Variants in MCM4 observed in about 807,000 individuals in gnomAD.
MCM4 encodes DNA replication licensing factor MCM4.
Under a neutral mutation model 88.7 loss-of-function variants are expected in MCM4, and 60 were observed. The ratio of observed to expected loss-of-function variants is 0.68; its 90% CI spans 0.55 to 0.84. The LOEUF is 0.84. Ranked by LOEUF, MCM4 falls within the 40% of genes least tolerant of loss-of-function variation. The pLI is 0.00. For missense variants in MCM4, 1,149 were observed against 1,105.5 expected, an observed-to-expected ratio of 1.04 and a Z score of -0.56; for synonymous variants, 465 against 410.5, an observed-to-expected ratio of 1.13 and a Z score of -1.61.
chr8:47,970,278 A>T (rs888296168), intron 11 of MCM4, among the ~76,000 whole-genome samples: 1 of 152,240 alleles, frequency 6.6e-6, no homozygotes, highest in African/African-American at 2.4e-5. Context: ...AAGAGGCCAC[A>T]CAGTGTCAGA....
chr8:47,967,629 T>G, intron 10 of MCM4, 144 bp downstream of exon 10: 1 of 994,650 alleles, frequency 1.0e-6, no homozygotes, highest in Non-Finnish European at 1.5e-6. Flanking sequence ...GGTATATCCC[T>G]GCTTTATCTG....
chr8:47,972,555 GT>G (rs766714972), intron 13 of MCM4, among the ~76,000 whole-genome samples: 92 of 152,140 alleles, frequency 6.0e-4, no homozygotes, highest in African/African-American at 2.2e-3. Context: ...GTTGTTTTGG[GT>G]TTTTTTGTTT....
intron 13 of MCM4, among the ~76,000 whole-genome samples, chr8:47,972,515 T>C (rs1056025616): frequency 5.9e-5 from 9 of 152,182 alleles, no homozygotes; most frequent in African/African-American, 2.2e-4. Flanking sequence ...GGTGTATTGG[T>C]GTCTCAACTA....
In MCM4 at chr8:47,967,443, C is replaced by G; in HGVS notation, c.1132C>G (p.Leu378Val). The part of the protein sequence containing the change: ...HTVILFAHND[L>V]VDKVQPGDRV... ...AGTTATCCTGTTTGCTCACAATGAT[C>G]TCGTTGACAAGGTCCAGCCTGGGGA... Residue 378 changes from leucine (L) to valine (V), a missense_variant, in exon 10 of 17, where the codon CTC (leucine) becomes GTC (valine). By Grantham distance (32) the Leu-to-Val change is conservative. Around this residue, in one of 3 missense-constraint regions of MCM4, gnomAD observed 906 missense variants for 843.0 expected, o/e 1.07. Coordinates refer to ENST00000649973, the MANE Select transcript of MCM4 (RefSeq NM_182746.3). The G allele has an allele frequency of 6.2e-7, 1 of 1,614,180 alleles. No individual in the cohort carries two copies. The highest frequency in any genetic ancestry group is 8.5e-7 in the Non-Finnish European group (1 of 1,180,014).
intron 7 of MCM4, among the ~76,000 whole-genome samples, chr8:47,963,277 A>G (rs895189333): frequency 6.6e-6 from 1 of 152,174 alleles, no homozygotes; most frequent in Admixed American, 6.5e-5. Context: ...ACAAAGTGAA[A>G]CCCCATCTGT....
chr8:47,967,532 T>C (rs1407426290), intron 10 of MCM4, 47 bp downstream of exon 10: 23 of 1,611,402 alleles, frequency 1.4e-5, no homozygotes, highest in Non-Finnish European at 1.9e-5. Context: ...CTGGCTTGCT[T>C]TCAATGCTGT....
chr8:47,966,138 A>G (rs376522186), intron 8 of MCM4, 49 bp from the exon 9 acceptor site: 1 of 1,476,444 alleles, frequency 6.8e-7, no homozygotes, highest in Non-Finnish European at 9.4e-7. Flanking sequence ...CTATTCCTGG[A>G]CCTCCACACC....
chr8:47,975,008 A>G (rs758950357), intron 15 of MCM4, 46 bp downstream of exon 15: 16 of 1,425,956 alleles, frequency 1.1e-5, no homozygotes, highest in Non-Finnish European at 1.5e-5. Context: ...AATTATTTCA[A>G]TATGCATGTA....
chr8:47,961,159 G>A lies in MCM4; in HGVS notation c.15G>A (p.Ala5=). The A allele has an allele frequency of 1.3e-6, 2 of 1,552,296 alleles. No individual in the cohort carries two copies. Among genetic ancestry groups the A allele is most frequent in the Non-Finnish European group, 1.7e-6 (2 of 1,159,318 alleles). Residue 5 remains alanine, a synonymous_variant, in exon 2 of 17, where the codon GCG becomes GCA. Coordinates refer to ENST00000649973, the MANE Select transcript of MCM4 (RefSeq NM_182746.3). MSSP[A]STPSRRGSRR... ...CTCCGAGCACTATGTCGTCCCCGGC[G>A]TCGACCCCGAGCCGCCGCGGCAGCC... is the stretch of plus-strand genomic sequence containing the variant.
Position 47,966,186 on chromosome 8 carries a change from G to A in MCM4, c.833-1G>A. ...TGCTGACCTCTCTTCTCCCCTCACA[G>A]ACATTGACCAGCTCATCACCATCAG... is the stretch of plus-strand genomic sequence containing the variant. On this transcript the variant is annotated splice_acceptor_variant, in intron 8 of 16. Coordinates refer to ENST00000649973, the MANE Select transcript of MCM4 (RefSeq NM_182746.3). LOFTEE classifies it high-confidence loss of function. The A allele has an allele frequency of 6.2e-7, 1 of 1,613,616 alleles. No homozygotes were observed. The highest frequency in any genetic ancestry group is 1.7e-4 in the Middle Eastern group (1 of 6,060).
chr8:47,961,756 T>C (rs1182625535), intron 3 of MCM4, 76 bp downstream of exon 3: 4 of 1,511,634 alleles, frequency 2.6e-6, no homozygotes, highest in Non-Finnish European at 3.6e-6. Flanking sequence ...TTACTGGCTT[T>C]ATAACAGTTG....
intron 9 of MCM4, among the ~76,000 whole-genome samples, chr8:47,966,995 G>A (rs551981760): frequency 1.8e-4 from 28 of 152,320 alleles, no homozygotes; most frequent in Non-Finnish European, 3.1e-4. Context: ...ACCCTGCTCC[G>A]CAGGAGCACA....
rs2091006473 is a variant in MCM4, at chr8:47,976,911, T to C, written c.*133T>C. 2 of 581,948 alleles carry C rather than the reference T, an allele frequency of 3.4e-6. No individual in the cohort carries two copies. The highest frequency in any genetic ancestry group is 6.2e-6 in the Non-Finnish European group (2 of 323,156). The allele number at this position is 581,948 out of a possible 1,614,324, so 36.0% of individuals were successfully genotyped here. A position where few individuals can be genotyped will look rare whatever the true frequency, so the allele number is the denominator to read the frequency against. ...ATGGTTTGGCTGCATAAAAATTTTCTAACTTGGGTTCAATATTTGTAGTGA... is the reference window on the plus strand; with the variant it reads ...ATGGTTTGGCTGCATAAAAATTTTCCAACTTGGGTTCAATATTTGTAGTGA... On this transcript the variant is annotated 3_prime_UTR_variant, in exon 17 of 17. Transcript: ENST00000649973.
chr8:47,961,138 G>C lies in MCM4; in HGVS notation c.-7G>C. 6.4e-7 allele frequency: 1 copy of C among 1,553,714 alleles called. No homozygotes were observed. The highest frequency in any genetic ancestry group is 8.6e-7 in the Non-Finnish European group (1 of 1,159,792). On this transcript the variant is annotated 5_prime_UTR_variant, in exon 2 of 17. Transcript: ENST00000649973. ...CTTGTCCTTGTCGCGCAGGTACTCCGAGCACTATGTCGTCCCCGGCGTCGA... is the reference window on the plus strand; with the variant it reads ...CTTGTCCTTGTCGCGCAGGTACTCCCAGCACTATGTCGTCCCCGGCGTCGA...
rs1287911484 is a variant in MCM4, at chr8:47,960,957, A to G, written c.-72A>G. 8.8e-6 allele frequency: 5 copies of G among 567,320 alleles called. No homozygotes were observed. Among genetic ancestry groups the G allele is most frequent in the Non-Finnish European group, 1.2e-5 (4 of 347,594 alleles). The allele number at this position is 567,320 out of a possible 1,614,324, so 35.1% of individuals were successfully genotyped here. A position where few individuals can be genotyped will look rare whatever the true frequency, so the allele number is the denominator to read the frequency against. On this transcript the variant is annotated 5_prime_UTR_variant, in exon 1 of 17. Transcript: ENST00000649973. Reference sequence around the variant, plus strand: ...CTGGGTCTCGCGGTTTGGGAGCGCTACTCGCCAGGTGGACTCGGAGTCCGC... The same window carrying G: ...CTGGGTCTCGCGGTTTGGGAGCGCTGCTCGCCAGGTGGACTCGGAGTCCGC...
In MCM4 at chr8:47,967,762, CTG is replaced by C. The variant is rs572858388; in HGVS notation, c.1174+285_1174+286del. ...CTCTTGATACCTCAGTATCCTGGAG[CTG>C]TGTGTGTCTCAAGTCAGTACTGTTG... On this transcript the variant is annotated intron_variant, in intron 10 of 16. Coordinates refer to ENST00000649973, the MANE Select transcript of MCM4 (RefSeq NM_182746.3). 9.9e-5 allele frequency among the ~76,000 whole-genome samples: 15 copies of C among 152,266 alleles called. 1 individual carries two copies. The South Asian group carries it at 3.1e-3, about 32-fold the overall frequency.
At position 47,970,862 on chromosome 8, in the gene MCM4, CTG is replaced by C. The variant is rs1167883277; in HGVS notation, c.1788_1789del (p.Ser597HisfsTer24). 4 of 1,594,762 alleles carry C rather than the reference CTG, an allele frequency of 2.5e-6. No individual in the cohort carries two copies. The African/African-American group carries it at 4.0e-5, about 16-fold the overall frequency. ...VLHEVMEQQT[L>X]SIAKAGIICQ... is the part of the protein sequence containing the mutation. The stretch of plus-strand genomic sequence containing the variant: ...GCATGAAGTCATGGAACAGCAGACT[CTG>C]TCCATTGCAAAGGTGAGTCGCCTTC... On this transcript the variant is annotated frameshift_variant, in exon 12 of 17. Transcript: ENST00000649973. LOFTEE classifies it high-confidence loss of function.
Position 47,975,761 on chromosome 8 carries a change from A to T in MCM4, c.2412A>T (p.Ala804=), listed in dbSNP as rs544675241. 1 of 1,584,434 alleles carries T rather than the reference A, an allele frequency of 6.3e-7. No individual in the cohort carries two copies. Among genetic ancestry groups the T allele is most frequent in the Non-Finnish European group, 8.5e-7 (1 of 1,170,196 alleles). ...SRKRKEELAE[A]LKKLILSKGK... ...AACGGAAAGAAGAATTAGCTGAAGC[A>T]TTGAAAAAGCTTATTTTATCTAAGG... The change falls in exon 16 of 17, where the codon GCA becomes GCT. Residue 804 remains alanine (A), a synonymous_variant. Transcript: ENST00000649973.
rs11993362 is a variant in MCM4 at position 47,962,251 on chromosome 8, G to C, written c.399+35G>C. On this transcript the variant is annotated intron_variant, in intron 4 of 16. Transcript: ENST00000649973. Reference sequence around the variant, plus strand: ...CAGTCTCCTGAAACCATCTTATGGCGGGTATCATGTGGGTAACTCTGTTTT... The same window carrying C: ...CAGTCTCCTGAAACCATCTTATGGCCGGTATCATGTGGGTAACTCTGTTTT... 4.5e-3 allele frequency: 7,292 copies of C among 1,613,924 alleles called. 276 individuals carry two copies. In the African/African-American group the frequency reaches 0.081, roughly 18 times the overall value.
Sources: gnomAD v4.1 joint callset for allele counts (sites outside exome capture counted in the v4.1 genomes callset) on GRCh38, gnomAD v4.1.1 for gene constraint, gnomAD v4.1.1 regional missense constraint, MANE v1.5 for transcripts, NCBI Gene and HGNC (gene_info 2026-07-23, HGNC 2026-07-21) for gene names.